The following ATP10A variants were observed in gnomAD, a reference collection of about 807,000 sequenced individuals.
The protein encoded by ATP10A is phospholipid-transporting ATPase VA.
Under a neutral mutation model 147.8 loss-of-function variants are expected in ATP10A, and 111 were observed. That is an observed-to-expected ratio of 0.75 (90% CI 0.64 to 0.88). ATP10A has a LOEUF of 0.88. Among genes scored for constraint, ATP10A ranks in the 40% least tolerant of loss-of-function variants. The pLI, the probability that ATP10A is intolerant of heterozygous loss-of-function variation, is 0.00. For synonymous variants in ATP10A, 875 were observed against 841.6 expected (o/e 1.04, Z -0.69); for missense variants, 1,927 against 1,959.0 (o/e 0.98, Z 0.31).
At chr15:25,827,960 TAC>T (rs1368357686) in intron 1 of ATP10A, among the ~76,000 whole-genome samples, 3 of 152,166 alleles carry the variant, frequency 2.0e-5, no homozygotes, top group Non-Finnish European at 4.4e-5. Context: ...TGAAAAAAGT[TAC>T]ACTGTGCAAA....
intron 10 of ATP10A, among the ~76,000 whole-genome samples, chr15:25,711,478 A>G (rs982313055): frequency 2.6e-5 from 4 of 152,112 alleles, no homozygotes; most frequent in Admixed American, 6.5e-5. Context: ...AGGGGACTCC[A>G]GGGCCCTCCT....
chr15:25,846,643 C>G (rs745387645), intron 1 of ATP10A, among the ~76,000 whole-genome samples: 6 of 152,180 alleles, frequency 3.9e-5, no homozygotes, highest in Admixed American at 2.0e-4. Flanking sequence ...TGAGAATCAC[C>G]TAGCCTGACA....
intron 2 of ATP10A, among the ~76,000 whole-genome samples, chr15:25,738,923 A>G (rs1482195872): frequency 6.6e-6 from 1 of 152,222 alleles, no homozygotes; most frequent in Non-Finnish European, 1.5e-5. Context: ...TTGGAGTGAC[A>G]GACTGGAGCT....
chr15:25,749,789 A>C (rs1239162849), intron 2 of ATP10A, among the ~76,000 whole-genome samples: 2 of 152,224 alleles, frequency 1.3e-5, no homozygotes, highest in African/African-American at 4.8e-5. Context: ...GGTAAAAAAG[A>C]GACCAAAATT....
chr15:25,863,063 C>T lies in ATP10A; in HGVS notation c.34G>A (p.Gly12Arg), dbSNP rs1893847981. Residue 12 changes from glycine (G) to arginine (R), a missense_variant, in exon 1 of 21, where the codon GGG becomes AGG. Coordinates refer to ENST00000555815, the MANE Select transcript of ATP10A (RefSeq NM_024490.4). ...EREPAGTEEPGPPGRRRRREG... is the reference protein window; with the variant it reads ...EREPAGTEEPRPPGRRRRREG... Reference sequence around the variant, plus strand: ...CGGCGCCTCCGCCGTCCCGGAGGCCCGGGCTCCTCGGTCCCCGCCGGCTCC... The same window carrying T: ...CGGCGCCTCCGCCGTCCCGGAGGCCTGGGCTCCTCGGTCCCCGCCGGCTCC... 3 of 1,239,976 alleles carry T rather than the reference C, an allele frequency of 2.4e-6. No individual in the cohort carries two copies. Among genetic ancestry groups the T allele is most frequent in the African/African-American group, 1.6e-5 (1 of 63,354 alleles). 76.8% of individuals were successfully genotyped at this position (1,239,976 alleles called of 1,614,324 possible).
chr15:25,725,150 C>A (rs1902465076), intron 5 of ATP10A, among the ~76,000 whole-genome samples: 1 of 152,140 alleles, frequency 6.6e-6, no homozygotes, highest in South Asian at 2.1e-4. Flanking sequence ...AGCACGAACC[C>A]TATTGTGAAT....
intron 1 of ATP10A, among the ~76,000 whole-genome samples, chr15:25,850,145 T>C (rs1042849489): frequency 2.6e-5 from 4 of 152,266 alleles, no homozygotes; most frequent in Admixed American, 6.5e-5. Context: ...AGGTGAACAA[T>C]TGTAGCCCAT....
At chr15:25,791,794 A>T (rs771987947) in intron 1 of ATP10A, among the ~76,000 whole-genome samples, 3 of 151,942 alleles carry the variant, frequency 2.0e-5, no homozygotes, top group African/African-American at 4.8e-5. Flanking sequence ...CTTTGGAAAT[A>T]TTTTTCTCTA....
At chr15:25,862,094 C>G (rs1027443377) in intron 1 of ATP10A, 3 of 332,752 alleles carry the variant, frequency 9.0e-6, no homozygotes, top group Non-Finnish European at 1.8e-5. Context: ...GCTCATGGCT[C>G]ACAGTGGAGG....
intron 1 of ATP10A, 178 bp downstream of exon 1, chr15:25,862,470 G>A (rs1453894809): frequency 5.2e-6 from 4 of 762,222 alleles, no homozygotes; most frequent in Admixed American, 2.5e-5. Flanking sequence ...GGCACAGAGA[G>A]GCCTTGGCGG....
intron 2 of ATP10A, among the ~76,000 whole-genome samples, chr15:25,737,496 T>G (rs1887352643): frequency 6.6e-6 from 1 of 152,188 alleles, no homozygotes; most frequent in Non-Finnish European, 1.5e-5. Context: ...TCTCTGGGAC[T>G]TCAGAGCTGT....
chr15:25,738,355 T>C (rs1301503750), intron 2 of ATP10A, among the ~76,000 whole-genome samples: 2 of 152,190 alleles, frequency 1.3e-5, no homozygotes, highest in Non-Finnish European at 2.9e-5. Context: ...AAAGCAGATA[T>C]CCAGCTAGGG....
At chr15:25,765,361 C>T (rs2140642706) in intron 2 of ATP10A, among the ~76,000 whole-genome samples, 1 of 152,316 alleles carries the variant, frequency 6.6e-6, no homozygotes, top group Middle Eastern at 3.4e-3. Flanking sequence ...TCTACCTGCT[C>T]CTGTCTTTGA....
intron 1 of ATP10A, among the ~76,000 whole-genome samples, chr15:25,853,262 G>A (rs1375086615): frequency 6.6e-6 from 1 of 152,208 alleles, no homozygotes; most frequent in East Asian, 1.9e-4. Context: ...AGTTCTGTCA[G>A]TGTGCTAAAT....
intron 2 of ATP10A, among the ~76,000 whole-genome samples, chr15:25,772,865 A>G (rs1399447396): frequency 6.6e-6 from 1 of 152,142 alleles, no homozygotes; most frequent in Non-Finnish European, 1.5e-5. Flanking sequence ...TGACAGACAC[A>G]CTACTGAAAA....
intron 1 of ATP10A, among the ~76,000 whole-genome samples, chr15:25,845,334 G>GTA (rs1301134835): frequency 6.6e-6 from 1 of 151,980 alleles, no homozygotes; most frequent in Non-Finnish European, 1.5e-5. Flanking sequence ...GTGTGTGTGT[G>GTA]TGTGTGTGTG....
rs1893856658 is a variant in ATP10A, at chr15:25,863,215, C to G, written c.-119G>C. ...GCGAGCTCCCCGCCTGCGGGACGCA[C>G]GGAGACCGCGGTCAGCGCGCCGCCT... On this transcript the variant is annotated 5_prime_UTR_variant, in exon 1 of 21. Transcript: ENST00000555815. The G allele has an allele frequency of 7.4e-6, 5 of 673,466 alleles. No homozygotes were observed. The highest frequency in any genetic ancestry group is 9.4e-6 in the Non-Finnish European group (5 of 530,500). 41.7% of individuals were successfully genotyped at this position (673,466 alleles called of 1,614,324 possible).
At chr15:25,836,198 C>A (rs1892586274) in intron 1 of ATP10A, among the ~76,000 whole-genome samples, 1 of 152,182 alleles carries the variant, frequency 6.6e-6, no homozygotes, top group Non-Finnish European at 1.5e-5. Flanking sequence ...ATCATCTTGC[C>A]TCGGCCTCCC....
chr15:25,806,182 C>T (rs970380709), intron 1 of ATP10A, among the ~76,000 whole-genome samples: 5 of 152,266 alleles, frequency 3.3e-5, no homozygotes, highest in African/African-American at 1.2e-4. Context: ...CACCTCTCTG[C>T]CACCCTGAGG....
Sources: gnomAD v4.1 joint callset for allele counts (sites outside exome capture counted in the v4.1 genomes callset) on GRCh38, gnomAD v4.1.1 for gene constraint, MANE v1.5 for transcripts, NCBI Gene and HGNC (gene_info 2026-07-23, HGNC 2026-07-21) for gene names.